The following STK32B variants were observed in gnomAD, a reference collection of about 807,000 sequenced individuals.
STK32B encodes the protein serine/threonine kinase 32B.
A neutral mutation model predicts 52.6 loss-of-function variants in STK32B; 43 were observed. That is an observed-to-expected ratio of 0.82 (90% CI 0.64 to 1.05). The LOEUF (loss-of-function observed/expected upper bound fraction) is 1.05. Ranked by LOEUF, STK32B falls within the 50% of genes least tolerant of loss-of-function variation. The probability of loss-of-function intolerance (pLI) is 0.00; values close to 1 mark genes in which losing one functional copy is unlikely to be tolerated. For missense variants in STK32B, 621 were observed against 534.6 expected, an observed-to-expected ratio of 1.16 and a Z score of -1.59; for synonymous variants, 238 against 204.3, an observed-to-expected ratio of 1.17 and a Z score of -1.41.
chr4:5,181,586 C>T (rs1025832365), intron 3 of STK32B, among the ~76,000 whole-genome samples: 2 of 152,190 alleles, frequency 1.3e-5, no homozygotes, highest in African/African-American at 4.8e-5. Flanking sequence ...CAGAACACAA[C>T]AAAGCAAATA....
intron 3 of STK32B, among the ~76,000 whole-genome samples, chr4:5,319,455 A>G (rs1488735160): frequency 6.6e-6 from 1 of 152,176 alleles, no homozygotes; most frequent in African/African-American, 2.4e-5. Context: ...TCCTGTTTCC[A>G]AATCCTCAGT....
intron 3 of STK32B, among the ~76,000 whole-genome samples, chr4:5,245,233 C>A (rs1725353863): frequency 6.6e-6 from 1 of 152,132 alleles, no homozygotes; most frequent in South Asian, 2.1e-4. Flanking sequence ...GTAGGTCACT[C>A]AGGACTTGCT....
At chr4:5,089,103 T>G (rs1220219588) in intron 1 of STK32B, among the ~76,000 whole-genome samples, 1 of 152,020 alleles carries the variant, frequency 6.6e-6, no homozygotes, top group Non-Finnish European at 1.5e-5. Flanking sequence ...GGAATAAAAG[T>G]GGGGACATTT....
intron 4 of STK32B, among the ~76,000 whole-genome samples, chr4:5,345,724 C>G (rs181466968): frequency 8.5e-5 from 13 of 152,330 alleles, no homozygotes; most frequent in African/African-American, 2.6e-4. Context: ...CTCATACTAT[C>G]TCTATTCTGA....
At chr4:5,387,800 A>G (rs1736351119) in intron 4 of STK32B, among the ~76,000 whole-genome samples, 1 of 152,176 alleles carries the variant, frequency 6.6e-6, no homozygotes, top group African/African-American at 2.4e-5. Context: ...GCTGGAGTGC[A>G]ATGGCACAAC....
chr4:5,041,719 C>T, the STK32B span, among the ~76,000 whole-genome samples: 1 of 152,052 alleles, frequency 6.6e-6, no homozygotes, highest in East Asian at 1.9e-4. Context: ...ATGGATAATT[C>T]GCTATCTGAG....
chr4:5,236,189 A>G (rs1006501862), intron 3 of STK32B, among the ~76,000 whole-genome samples: 1 of 152,130 alleles, frequency 6.6e-6, no homozygotes, highest in South Asian at 2.1e-4. Context: ...ACTGAGCTCC[A>G]TGTGTCTCCC....
intron 1 of STK32B, among the ~76,000 whole-genome samples, chr4:5,055,788 C>T (rs1741981091): frequency 6.6e-6 from 1 of 152,142 alleles, no homozygotes. Context: ...TTCGGGTCTC[C>T]AGGAAAATGT....
At chr4:5,397,461 C>A (rs1736992628) in intron 4 of STK32B, among the ~76,000 whole-genome samples, 1 of 152,142 alleles carries the variant, frequency 6.6e-6, no homozygotes, top group Non-Finnish European at 1.5e-5. Flanking sequence ...ATTGAGAGGC[C>A]TTTTGCTATA....
intron 4 of STK32B, among the ~76,000 whole-genome samples, chr4:5,352,471 A>ATAAC: frequency 6.6e-6 from 1 of 152,026 alleles, no homozygotes; most frequent in Admixed American, 6.5e-5. Flanking sequence ...ATATGTGACA[A>ATAAC]AACCCCAGCT....
chr4:5,263,314 T>C (rs1232950203), intron 3 of STK32B, among the ~76,000 whole-genome samples: 2 of 138,788 alleles, frequency 1.4e-5, no homozygotes, highest in African/African-American at 5.6e-5. Flanking sequence ...TTGATTTGGT[T>C]TTCACTGGGC....
At chr4:5,188,777 T>G (rs1176341679) in intron 3 of STK32B, among the ~76,000 whole-genome samples, 1 of 132,664 alleles carries the variant, frequency 7.5e-6, no homozygotes, top group Non-Finnish European at 1.5e-5. Context: ...AACTGCCATC[T>G]TTTTTTTTTT....
chr4:5,341,647 ATTTATAAAGAAAAGAAG>A (rs1417160044), intron 4 of STK32B, among the ~76,000 whole-genome samples: 5 of 152,170 alleles, frequency 3.3e-5, no homozygotes, highest in African/African-American at 9.7e-5. Flanking sequence ...AGACTGAGTA[ATTTATAAAGAAAAGAAG>A]TTTATAAAGA....
At chr4:5,135,543 C>A (rs1192586258) in intron 1 of STK32B, among the ~76,000 whole-genome samples, 1 of 152,180 alleles carries the variant, frequency 6.6e-6, no homozygotes, top group Non-Finnish European at 1.5e-5. Flanking sequence ...AATAGACAAC[C>A]TGACCCACTG....
At chr4:5,428,364 C>CA (rs900363013) in intron 6 of STK32B, among the ~76,000 whole-genome samples, 8 of 152,094 alleles carry the variant, frequency 5.3e-5, no homozygotes, top group African/African-American at 1.9e-4. Flanking sequence ...GCCGAGATAG[C>CA]ACCACTGCAC....
chr4:5,030,486 G>T, the STK32B span, among the ~76,000 whole-genome samples: 1 of 152,192 alleles, frequency 6.6e-6, no homozygotes, highest in Non-Finnish European at 1.5e-5. Context: ...TGATAGTCTG[G>T]GTGCCTGGAA....
chr4:5,276,951 C>T lies in STK32B; in HGVS notation c.261-54269C>T, dbSNP rs112494266. 5.3e-3 allele frequency among the ~76,000 whole-genome samples: 804 copies of T among 152,272 alleles called. 4 individuals carry two copies. Among genetic ancestry groups the T allele is most frequent in the Non-Finnish European group, 8.5e-3 (578 of 68,020 alleles). ...TCATATAGAGGACACTCTATAAATA[C>T]GTGTTTAATGCCATTCATTTGGACT... is the stretch of plus-strand genomic sequence containing the variant. On this transcript the variant is annotated intron_variant, in intron 3 of 11. Transcript: ENST00000282908.
At chr4:5,312,298 G>A (rs11944205) in intron 3 of STK32B, among the ~76,000 whole-genome samples, 47,386 of 149,372 alleles carry the variant, frequency 0.32, 11,998 homozygotes, top group African/African-American at 0.71. Context: ...TTTTTATTTT[G>A]TTATTATACT....
At chr4:5,184,695 AAAG>A (rs746946013) in intron 3 of STK32B, among the ~76,000 whole-genome samples, 9 of 137,556 alleles carry the variant, frequency 6.5e-5, no homozygotes, top group African/African-American at 8.1e-5. Flanking sequence ...AAAAAAAAAA[AAAG>A]AAGAAGAAGA....
Sources: gnomAD v4.1 joint callset for allele counts (sites outside exome capture counted in the v4.1 genomes callset) on GRCh38, gnomAD v4.1.1 for gene constraint, MANE v1.5 for transcripts, NCBI Gene and HGNC (gene_info 2026-07-23, HGNC 2026-07-21) for gene names.